Variants in ARHGEF10 observed in about 807,000 individuals in gnomAD.
ARHGEF10 encodes Rho guanine nucleotide exchange factor (GEF) 10.
In ARHGEF10, 140 loss-of-function variants were observed where a neutral mutation model predicts 147.4. The ratio of observed to expected loss-of-function variants is 0.95; its 90% CI spans 0.83 to 1.09. The LOEUF (loss-of-function observed/expected upper bound fraction) is 1.09, where lower values mean the gene tolerates loss of function less well. Ranked by LOEUF, ARHGEF10 falls within the 50% of genes least tolerant of loss-of-function variation. The probability of loss-of-function intolerance (pLI) is 0.00; values close to 1 mark genes in which losing one functional copy is unlikely to be tolerated. For missense variants in ARHGEF10, 2,222 were observed against 1,752.7 expected, an observed-to-expected ratio of 1.27 and a Z score of -4.78; for synonymous variants, 902 against 695.8, an observed-to-expected ratio of 1.30 and a Z score of -4.67.
intron 25 of ARHGEF10, 124 bp from the exon 26 acceptor site, chr8:1,933,676 C>T (rs1392439705): frequency 7.9e-7 from 1 of 1,267,384 alleles, no homozygotes; most frequent in South Asian, 1.2e-5. Context: ...CAGGATCAGG[C>T]ACAAGCATTA....
rs370878505 is a variant in ARHGEF10, at chr8:1,839,432, G to A, written c.-47-3921G>A. 2.2e-3 allele frequency among the ~76,000 whole-genome samples: 300 copies of A among 138,914 alleles called. 10 individuals are homozygous for A. In the East Asian group the frequency reaches 0.051, roughly 23 times the overall value. The allele number at this position is 138,914 out of a possible 152,430, so 91.1% of individuals were successfully genotyped here. ...CTGTCTGCTGTGGAAGCTGTCTGGTGTGGGGAGTGTCTGGTGTGGAAGCTG... is the reference window on the plus strand; with the variant it reads ...CTGTCTGCTGTGGAAGCTGTCTGGTATGGGGAGTGTCTGGTGTGGAAGCTG... On this transcript the variant is annotated intron_variant, in intron 1 of 28. Coordinates refer to ENST00000349830, the MANE Select transcript of ARHGEF10 (RefSeq NM_014629.4).
intron 14 of ARHGEF10, among the ~76,000 whole-genome samples, chr8:1,898,097 G>T (rs1810156010): frequency 6.6e-6 from 1 of 152,176 alleles, no homozygotes; most frequent in Non-Finnish European, 1.5e-5. Context: ...CATGGCACCG[G>T]AAGAGGTTGC....
intron 2 of ARHGEF10, among the ~76,000 whole-genome samples, chr8:1,844,465 T>TCCCTGGGGCCTGCTGGACGACAGA (rs1329433075): frequency 1.3e-5 from 2 of 151,354 alleles, no homozygotes; most frequent in South Asian, 2.1e-4. Context: ...AATCCAGGGG[T>TCCCTGGGGCCTGCTGGACGACAGA]GAGCAGTGGC....
chr8:1,842,053 C>A (rs1173988623), intron 1 of ARHGEF10, among the ~76,000 whole-genome samples: 1 of 114,946 alleles, frequency 8.7e-6, no homozygotes, highest in African/African-American at 3.0e-5. Context: ...GGGGCCGCGG[C>A]GGGAACTGGG....
chr8:1,830,891 G>A (rs138138310), intron 1 of ARHGEF10, among the ~76,000 whole-genome samples: 1 of 152,348 alleles, frequency 6.6e-6, no homozygotes, highest in African/African-American at 2.4e-5. Flanking sequence ...CACTGGAGCC[G>A]AGAGATGAGC....
chr8:1,939,656 T>C (rs531344229), intron 26 of ARHGEF10, among the ~76,000 whole-genome samples: 173 of 152,304 alleles, frequency 1.1e-3, no homozygotes, highest in African/African-American at 4.0e-3. Context: ...GAGGAGGGAT[T>C]CACTAGGAGA....
chr8:1,881,863 C>G (rs920140402), intron 9 of ARHGEF10, among the ~76,000 whole-genome samples: 15 of 152,152 alleles, frequency 9.9e-5, no homozygotes, highest in African/African-American at 3.4e-4. Context: ...TCGGTTGTCC[C>G]ATAAGAGATC....
chr8:1,877,876 G>A lies in ARHGEF10; in HGVS notation c.843+1142G>A, dbSNP rs571038475. The stretch of plus-strand genomic sequence containing the variant: ...CGTGTTACTGATAGAGATGGTGAAC[G>A]GATGCCCGCCATAGTGACAGTTGTC... On this transcript the variant is annotated intron_variant, in intron 8 of 28. Coordinates refer to ENST00000349830, the MANE Select transcript of ARHGEF10 (RefSeq NM_014629.4). 1.1e-4 allele frequency among the ~76,000 whole-genome samples: 17 copies of A among 152,150 alleles called. No individual in the cohort carries two copies. In the East Asian group the frequency reaches 2.3e-3, roughly 21 times the overall value.
At position 1,934,077 on chromosome 8, in the gene ARHGEF10, G is replaced by A. The variant is rs1046602855; in HGVS notation, c.3222+135G>A. 12 of 1,202,852 alleles carry A rather than the reference G, an allele frequency of 1.0e-5. No homozygotes were observed. In the African/African-American group the frequency reaches 1.3e-4, roughly 14 times the overall value. 74.5% of individuals were successfully genotyped at this position (1,202,852 alleles called of 1,614,324 possible). A position where few individuals can be genotyped will look rare whatever the true frequency, so the allele number is the denominator to read the frequency against. On this transcript the variant is annotated intron_variant, in intron 26 of 28. Coordinates refer to ENST00000349830, the MANE Select transcript of ARHGEF10 (RefSeq NM_014629.4). ...TAGCCGGGCACAGTGGCTCATGCCT[G>A]TAATGCCAACACTCTGGGAGGCCAA...
At position 1,849,456 on chromosome 8, in the gene ARHGEF10, A is replaced by G. The variant is rs1289198069; in HGVS notation, c.37+6020A>G. ...ATGCTGAGGAGGGCGTGGGGCGGCC[A>G]CATGGACACAGACAGCAAATGCTGA... On this transcript the variant is annotated intron_variant, in intron 2 of 28. Coordinates refer to ENST00000349830, the MANE Select transcript of ARHGEF10 (RefSeq NM_014629.4). Among the ~76,000 whole-genome samples, 697 of 135,362 alleles carry G rather than the reference A, an allele frequency of 5.1e-3. 1 individual carries two copies. Among genetic ancestry groups the G allele is most frequent in the African/African-American group, 0.02 (651 of 32,842 alleles). The allele number at this position is 135,362 out of a possible 152,430, so 88.8% of individuals were successfully genotyped here.
intron 2 of ARHGEF10, among the ~76,000 whole-genome samples, chr8:1,845,582 T>G (rs1268123666): frequency 6.6e-6 from 1 of 152,246 alleles, no homozygotes; most frequent in Non-Finnish European, 1.5e-5. Flanking sequence ...GGCAGATGGA[T>G]GCTGCCTTTC....
chr8:1,927,708 T>A (rs932792073), intron 23 of ARHGEF10, among the ~76,000 whole-genome samples: 4 of 151,802 alleles, frequency 2.6e-5, no homozygotes, highest in African/African-American at 9.7e-5. Context: ...AGGTCAGGAG[T>A]TTGAGACCAG....
intron 26 of ARHGEF10, among the ~76,000 whole-genome samples, chr8:1,935,885 G>A (rs759004991): frequency 6.6e-6 from 1 of 152,224 alleles, no homozygotes; most frequent in African/African-American, 2.4e-5. Flanking sequence ...ATGGGGGCAC[G>A]TGCAGGGAAG....
chr8:1,931,358 C>T (rs1028733691), intron 25 of ARHGEF10, among the ~76,000 whole-genome samples: 1 of 152,150 alleles, frequency 6.6e-6, no homozygotes, highest in East Asian at 1.9e-4. Flanking sequence ...ATGCTTATGT[C>T]CCCCTTTTTT....
chr8:1,870,349 C>T (rs1807010064), intron 7 of ARHGEF10: 1 of 150,352 alleles, frequency 6.7e-6, no homozygotes, highest in Admixed American at 6.7e-5. Flanking sequence ...AGTGCAAAAC[C>T]CAATCTGGTA....
intron 11 of ARHGEF10, among the ~76,000 whole-genome samples, chr8:1,888,618 T>C (rs1386021865): frequency 7.7e-6 from 1 of 129,648 alleles, no homozygotes; most frequent in Non-Finnish European, 1.6e-5. Context: ...TGGTGAGGTT[T>C]GTGAGGAAAC....
chr8:1,887,948 G>A (rs1178328291), intron 11 of ARHGEF10, among the ~76,000 whole-genome samples: 1 of 151,202 alleles, frequency 6.6e-6, no homozygotes, highest in East Asian at 2.0e-4. Flanking sequence ...ATTGGGGTGA[G>A]GGGTCTGTGA....
chr8:1,936,246 G>A (rs971550154), intron 26 of ARHGEF10, among the ~76,000 whole-genome samples: 3 of 152,152 alleles, frequency 2.0e-5, no homozygotes, highest in African/African-American at 4.8e-5. Context: ...CGGGCACAGC[G>A]GCTCACACCT....
intron 2 of ARHGEF10, among the ~76,000 whole-genome samples, chr8:1,852,259 A>C (rs1454092381): frequency 1.4e-5 from 2 of 142,050 alleles, no homozygotes; most frequent in African/African-American, 5.3e-5. Flanking sequence ...TTCTGTCCTG[A>C]GGGCCCTCTA....
Sources: allele counts gnomAD v4.1 joint callset (sites outside exome capture counted in the v4.1 genomes callset), GRCh38; gene constraint gnomAD v4.1.1; transcripts MANE v1.5; gene names NCBI Gene and HGNC (gene_info 2026-07-23, HGNC 2026-07-21).